The following DOCK11 variants were observed in gnomAD, a reference collection of about 807,000 sequenced individuals.
The protein encoded by DOCK11 is dedicator of cytokinesis protein 11.
Under a neutral mutation model 169.1 loss-of-function variants are expected in DOCK11, and 70 were observed. The observed-to-expected ratio is 0.41, with a 90% CI of 0.34 to 0.51. The LOEUF (loss-of-function observed/expected upper bound fraction) is 0.51, where lower values mean the gene tolerates loss of function less well. DOCK11 is among the 20% of genes least tolerant of loss of function. The pLI is 0.10. For missense variants in DOCK11, 1,166 were observed against 1,538.8 expected, an observed-to-expected ratio of 0.76 and a Z score of 4.05; for synonymous variants, 529 against 541.3, an observed-to-expected ratio of 0.98 and a Z score of 0.32.
At chrX:118,684,271 CTT>C (rs1197326228) in intron 52 of DOCK11, among the ~76,000 whole-genome samples, 3 of 78,630 alleles carry the variant, frequency 3.8e-5, no homozygotes, top group Non-Finnish European at 5.0e-5. Flanking sequence ...TTTTTTTTTT[CTT>C]TTTTTTTTTT....
chrX:118,550,604 G>A (rs956331456), intron 6 of DOCK11, among the ~76,000 whole-genome samples: 1 of 111,510 alleles, frequency 9.0e-6, no homozygotes, highest in Non-Finnish European at 1.9e-5. Flanking sequence ...ATAGTTTCCA[G>A]GCTAGAACTT....
intron 1 of DOCK11, among the ~76,000 whole-genome samples, chrX:118,526,383 C>G (rs1461926830): frequency 8.9e-6 from 1 of 112,396 alleles, no homozygotes; most frequent in Admixed American, 9.4e-5. Context: ...AATGGTCTGT[C>G]CCCAGGGCCC....
intron 35 of DOCK11, chrX:118,633,709 C>CT (rs1435940785): frequency 8.9e-6 from 1 of 112,226 alleles, no homozygotes; most frequent in Non-Finnish European, 1.9e-5. Flanking sequence ...GTTTCATCTG[C>CT]TTACTTTGTG....
At chrX:118,551,557 G>A (rs1402491374) in intron 6 of DOCK11, among the ~76,000 whole-genome samples, 1 of 110,587 alleles carries the variant, frequency 9.0e-6, no homozygotes, top group Non-Finnish European at 1.9e-5. Context: ...AATTAGCTGG[G>A]CATGGTGACG....
intron 16 of DOCK11, among the ~76,000 whole-genome samples, 157 bp downstream of exon 16, chrX:118,585,274 A>G (rs2013783732): frequency 9.1e-6 from 1 of 110,220 alleles, no homozygotes; most frequent in Non-Finnish European, 1.9e-5. Context: ...GACAACAAAC[A>G]TTTATTCTCT....
intron 14 of DOCK11, among the ~76,000 whole-genome samples, chrX:118,584,274 T>C (rs1235694174): frequency 1.9e-5 from 2 of 106,844 alleles, no homozygotes; most frequent in East Asian, 2.8e-4. Flanking sequence ...TTTTAATCTC[T>C]TTTGCACCTT....
chrX:118,686,079 T>G lies in DOCK11; in HGVS notation c.*272T>G, dbSNP rs2016851536. The G allele has an allele frequency of 8.4e-6, 2 of 237,354 alleles. No individual in the cohort carries two copies. The highest frequency in any genetic ancestry group is 1.5e-5 in the Non-Finnish European group (2 of 132,836). The allele number at this position is 237,354 out of a possible 1,213,427, so 19.6% of individuals were successfully genotyped here. A position where few individuals can be genotyped will look rare whatever the true frequency, so the allele number is the denominator to read the frequency against. On this transcript the variant is annotated 3_prime_UTR_variant, in exon 53 of 53. Transcript: ENST00000276202. ...AACAGTAGTTCAATTTGCTTAATTA[T>G]TGCTTAAAATAATGGTACTATGTAA... is the stretch of plus-strand genomic sequence containing the variant.
chrX:118,608,403 C>CT, intron 26 of DOCK11, 47 bp downstream of exon 26: 3 of 1,135,435 alleles, frequency 2.6e-6, no homozygotes, highest in East Asian at 3.0e-5. Flanking sequence ...CATAGACACA[C>CT]TTTTTTTGAT....
chrX:118,677,758 C>T (rs1430073135), intron 48 of DOCK11, among the ~76,000 whole-genome samples: 1 of 112,477 alleles, frequency 8.9e-6, no homozygotes, highest in Non-Finnish European at 1.9e-5. Context: ...ATGGCAAACA[C>T]TCTCTACTTC....
intron 10 of DOCK11, among the ~76,000 whole-genome samples, chrX:118,568,695 G>A (rs2013166299): frequency 9.1e-6 from 1 of 109,387 alleles, no homozygotes; most frequent in Non-Finnish European, 1.9e-5. Context: ...AGGTTTATAC[G>A]CGGATGTGTA....
At chrX:118,539,948 G>A (rs1569410723) in intron 1 of DOCK11, among the ~76,000 whole-genome samples, 1 of 105,325 alleles carries the variant, frequency 9.5e-6, no homozygotes, top group Non-Finnish European at 1.9e-5. Context: ...CTACTCGGGA[G>A]GCTGAGGCAG....
chrX:118,500,292 C>G (rs1328949139), intron 1 of DOCK11, among the ~76,000 whole-genome samples: 3 of 111,072 alleles, frequency 2.7e-5, no homozygotes, highest in African/African-American at 9.8e-5. Context: ...TCGTGATCCG[C>G]CCGCCTCGGT....
At chrX:118,553,842 T>G (rs1488925244) in intron 6 of DOCK11, among the ~76,000 whole-genome samples, 4 of 112,435 alleles carry the variant, frequency 3.6e-5, no homozygotes, top group Non-Finnish European at 5.6e-5. Context: ...AGCTAACAAA[T>G]GGATTGCATT....
rs1372407654 is a variant in DOCK11, at chrX:118,618,725, C to G, written c.3468C>G (p.His1156Gln). ...IKHAFDTRYQ[H>Q]KNQQAKIAQL... ...ATGCATTTGACACAAGATACCAGCA[C>G]AAGGTAAGGATATCCATGCAGTCAT... Residue 1156 changes from histidine (H) to glutamine (Q), a missense_variant, in exon 31 of 53, where the codon CAC becomes CAG. His to Gln is a conservative substitution (Grantham distance 24). Coordinates refer to ENST00000276202, the MANE Select transcript of DOCK11 (RefSeq NM_144658.4). 1 of 1,195,568 alleles carries G rather than the reference C, an allele frequency of 8.4e-7. No homozygotes were observed. The highest frequency in any genetic ancestry group is 2.2e-5 in the Admixed American group (1 of 44,972).
At chrX:118,512,202 C>T (rs1205663143) in intron 1 of DOCK11, among the ~76,000 whole-genome samples, 1 of 112,140 alleles carries the variant, frequency 8.9e-6, no homozygotes, top group Non-Finnish European at 1.9e-5. Flanking sequence ...TGCCCTGCTC[C>T]GCTGATTTCT....
intron 40 of DOCK11, among the ~76,000 whole-genome samples, chrX:118,647,136 GATAT>G (rs1398426088): frequency 1.3e-5 from 1 of 76,921 alleles, no homozygotes; most frequent in Non-Finnish European, 2.5e-5. Context: ...ATGTGAAGAG[GATAT>G]GTGTGTGTGT....
chrX:118,544,067 C>A (rs1222278961), intron 4 of DOCK11, among the ~76,000 whole-genome samples: 2 of 112,528 alleles, frequency 1.8e-5, no homozygotes, highest in African/African-American at 6.5e-5. Flanking sequence ...TAGGTTTTAA[C>A]TTTCCTCTTT....
chrX:118,572,301 A>G (rs377458897), intron 10 of DOCK11, 22 bp from the exon 11 acceptor site: 1 of 1,113,345 alleles, frequency 9.0e-7, no homozygotes, highest in Non-Finnish European at 1.2e-6. Context: ...TTTGAAAATG[A>G]TTCATACTAT....
Position 118,654,748 on chromosome X carries a change from C to T in DOCK11, c.4842C>T (p.Thr1614=). ...QYSLAKSYAS[T]PELRKTWLDS... is the part of the protein sequence containing the mutation. The stretch of plus-strand genomic sequence containing the variant: ...GCTTAGCCAAGTCCTATGCAAGCAC[C>T]CCAGAGCTCAGGAAAACCTGGCTTG... The change falls in exon 43 of 53, where the codon ACC becomes ACT. Residue 1614 remains threonine, a synonymous_variant. Transcript: ENST00000276202. 1 of 1,211,659 alleles carries T rather than the reference C, an allele frequency of 8.3e-7. No homozygotes were observed. The highest frequency in any genetic ancestry group is 1.1e-6 in the Non-Finnish European group (1 of 895,530).
Sources: allele counts gnomAD v4.1 joint callset (sites outside exome capture counted in the v4.1 genomes callset), GRCh38; gene constraint gnomAD v4.1.1; transcripts MANE v1.5; gene names NCBI Gene and HGNC (gene_info 2026-07-23, HGNC 2026-07-21).